The following GRM8 variants were observed in gnomAD, a reference collection of about 807,000 sequenced individuals.
The protein encoded by GRM8 is metabotropic glutamate receptor 8.
GRM8 carries 47 observed loss-of-function variants against 87.2 expected under a neutral mutation model. The observed-to-expected ratio is 0.54, with a 90% CI of 0.43 to 0.69. The LOEUF (loss-of-function observed/expected upper bound fraction) is 0.69, where lower values mean the gene tolerates loss of function less well. Among genes scored for constraint, GRM8 ranks in the 30% least tolerant of loss-of-function variants. The probability of loss-of-function intolerance (pLI) is 0.00; values close to 1 mark genes in which losing one functional copy is unlikely to be tolerated. For synonymous variants in GRM8, 396 were observed against 404.5 expected (o/e 0.98, Z 0.25); for missense variants, 1,019 against 1,139.2 (o/e 0.89, Z 1.52).
chr7:126,519,067 T>C (rs556740541), intron 9 of GRM8, among the ~76,000 whole-genome samples: 5 of 152,210 alleles, frequency 3.3e-5, no homozygotes, highest in African/African-American at 1.2e-4. Flanking sequence ...TTTTTATCAA[T>C]TTCAACAAAA....
intron 3 of GRM8, among the ~76,000 whole-genome samples, chr7:127,056,712 T>C (rs1410076323): frequency 6.6e-6 from 1 of 152,248 alleles, no homozygotes; most frequent in Non-Finnish European, 1.5e-5. Flanking sequence ...TTTGCTTGTT[T>C]AATGTGTAAA....
At chr7:126,690,199 G>A (rs957849708) in intron 7 of GRM8, among the ~76,000 whole-genome samples, 1 of 152,208 alleles carries the variant, frequency 6.6e-6, no homozygotes, top group East Asian at 1.9e-4. Flanking sequence ...GGCCCGCTAG[G>A]CTCATTATGC....
intron 7 of GRM8, among the ~76,000 whole-genome samples, chr7:126,663,938 G>A (rs999691051): frequency 6.6e-6 from 1 of 152,154 alleles, no homozygotes; most frequent in Non-Finnish European, 1.5e-5. Flanking sequence ...AATGACTTTA[G>A]TAAAGTGTCC....
chr7:126,624,030 C>A (rs905722175), intron 7 of GRM8, among the ~76,000 whole-genome samples: 1 of 152,124 alleles, frequency 6.6e-6, no homozygotes, highest in Non-Finnish European at 1.5e-5. Flanking sequence ...CTTTTTACCC[C>A]CTCTTGCATT....
chr7:126,504,220 T>C (rs1458118599), intron 9 of GRM8, among the ~76,000 whole-genome samples: 1 of 152,052 alleles, frequency 6.6e-6, no homozygotes, highest in Non-Finnish European at 1.5e-5. Context: ...AATTATCAAA[T>C]GTTTTATAAT....
At chr7:126,765,029 C>T (rs1049437598) in intron 7 of GRM8, among the ~76,000 whole-genome samples, 1 of 152,034 alleles carries the variant, frequency 6.6e-6, no homozygotes, top group African/African-American at 2.4e-5. Flanking sequence ...TGTACTACTT[C>T]CTCCTGTACA....
chr7:126,727,212 C>A (rs1163644197), intron 7 of GRM8, among the ~76,000 whole-genome samples: 2 of 151,694 alleles, frequency 1.3e-5, no homozygotes, highest in Non-Finnish European at 2.9e-5. Context: ...AACAAGACTG[C>A]ATTTAGAATA....
At chr7:126,657,067 A>G (rs1237882657) in intron 7 of GRM8, among the ~76,000 whole-genome samples, 1 of 152,200 alleles carries the variant, frequency 6.6e-6, no homozygotes, top group Non-Finnish European at 1.5e-5. Context: ...TTTATTCTTC[A>G]AGAGAAATCC....
At chr7:126,636,023 G>T (rs1585309967) in intron 7 of GRM8, among the ~76,000 whole-genome samples, 1 of 151,686 alleles carries the variant, frequency 6.6e-6, no homozygotes, top group Non-Finnish European at 1.5e-5. Context: ...ATTCATAAGG[G>T]GATGTTTTAC....
intron 7 of GRM8, among the ~76,000 whole-genome samples, chr7:126,643,290 CAAAAAAAAAA>C (rs1157527693): frequency 9.0e-4 from 18 of 20,108 alleles, no homozygotes; most frequent in East Asian, 2.4e-3. Flanking sequence ...GAACTTGTCT[CAAAAAAAAAA>C]AAAAAAAAAA....
intron 7 of GRM8, among the ~76,000 whole-genome samples, chr7:126,749,825 A>G (rs1448910360): frequency 6.6e-6 from 1 of 152,148 alleles, no homozygotes; most frequent in Non-Finnish European, 1.5e-5. Context: ...AAAATGACTG[A>G]CAATATGACA....
intron 9 of GRM8, among the ~76,000 whole-genome samples, chr7:126,513,679 G>A (rs1396200051): frequency 6.6e-6 from 1 of 151,918 alleles, no homozygotes; most frequent in African/African-American, 2.4e-5. Flanking sequence ...TTTATACTTA[G>A]GTAAGTAGGA....
Position 126,533,423 on chromosome 7 carries a change from G to T in GRM8, c.1959C>A (p.Val653=), listed in dbSNP as rs1815165176. 1 of 1,614,038 alleles carries T rather than the reference G, an allele frequency of 6.2e-7. No homozygotes were observed. The highest frequency in any genetic ancestry group is 8.5e-7 in the Non-Finnish European group (1 of 1,179,952). ...PDTIICSFRR[V]FLGLGMCFSY... is the part of the protein sequence containing the mutation. The stretch of plus-strand genomic sequence containing the variant: ...TGAAACACATGCCAAGTCCTAGGAA[G>T]ACCCGTCGGAAGGAGCATATGATTG... The change falls in exon 9 of 11, where the codon GTC becomes GTA. Residue 653 remains valine (V), a synonymous_variant. Coordinates refer to ENST00000339582, the MANE Select transcript of GRM8 (RefSeq NM_000845.3).
intron 2 of GRM8, among the ~76,000 whole-genome samples, chr7:127,142,441 C>G (rs1357898994): frequency 1.3e-5 from 2 of 152,110 alleles, no homozygotes; most frequent in Non-Finnish European, 2.9e-5. Flanking sequence ...GCCAATTTCT[C>G]CCAGTGACAA....
intron 10 of GRM8, among the ~76,000 whole-genome samples, chr7:126,444,137 G>C (rs1801751958): frequency 6.6e-6 from 1 of 151,832 alleles, no homozygotes; most frequent in African/African-American, 2.4e-5. Flanking sequence ...ATAGTGAGAA[G>C]TGCCAGTGTT....
chr7:127,087,747 T>C (rs1179324966), intron 3 of GRM8, among the ~76,000 whole-genome samples: 1 of 152,236 alleles, frequency 6.6e-6, no homozygotes, highest in Non-Finnish European at 1.5e-5. Flanking sequence ...ATAGAGCTTA[T>C]GTTTAAGACT....
chr7:126,746,577 T>C (rs1482906319), intron 7 of GRM8, among the ~76,000 whole-genome samples: 1 of 151,714 alleles, frequency 6.6e-6, no homozygotes, highest in Non-Finnish European at 1.5e-5. Flanking sequence ...TTATGTTACC[T>C]GTTTGACTAG....
intron 9 of GRM8, chr7:126,512,256 G>C (rs1291582578): frequency 1.3e-5 from 2 of 152,222 alleles, no homozygotes; most frequent in African/African-American, 4.8e-5. Context: ...TGGAAAGAGA[G>C]AGTTCCCAGG....
intron 3 of GRM8, among the ~76,000 whole-genome samples, chr7:126,983,832 G>A (rs1326119188): frequency 3.3e-5 from 5 of 152,098 alleles, no homozygotes; most frequent in Non-Finnish European, 7.4e-5. Context: ...AAAAACCCAC[G>A]GCCTGCTAAG....
Sources: gnomAD v4.1 joint callset for allele counts (sites outside exome capture counted in the v4.1 genomes callset) on GRCh38, gnomAD v4.1.1 for gene constraint, MANE v1.5 for transcripts, NCBI Gene and HGNC (gene_info 2026-07-23, HGNC 2026-07-21) for gene names.